Variants in CERKL observed in about 807,000 individuals in gnomAD.
CERKL encodes the protein ceramide kinase-like protein.
Under a neutral mutation model 63.4 loss-of-function variants are expected in CERKL, and 61 were observed. That is an observed-to-expected ratio of 0.96 (90% CI 0.78 to 1.19). CERKL has a LOEUF of 1.19. Among genes scored for constraint, CERKL ranks in the 50% most tolerant of loss-of-function variants. The pLI is 0.00. For synonymous variants in CERKL, 250 were observed against 230.5 expected (o/e 1.08, Z -0.77); for missense variants, 675 against 655.5 (o/e 1.03, Z -0.33).
intron 2 of CERKL, among the ~76,000 whole-genome samples, chr2:181,587,482 G>C (rs1039188914): frequency 6.6e-6 from 1 of 152,044 alleles, no homozygotes; most frequent in Non-Finnish European, 1.5e-5. Flanking sequence ...TTTTTATCCT[G>C]ATATAATGAA....
chr2:181,639,690 G>T (rs192256416), intron 1 of CERKL, among the ~76,000 whole-genome samples: 42 of 152,266 alleles, frequency 2.8e-4, no homozygotes, highest in South Asian at 4.1e-4. Context: ...AACCAAATGG[G>T]GACAGTGCAG....
chr2:181,570,774 G>A (rs1041339326), intron 3 of CERKL, among the ~76,000 whole-genome samples: 6 of 152,084 alleles, frequency 3.9e-5, no homozygotes, highest in African/African-American at 1.4e-4. Flanking sequence ...AAAAATTACA[G>A]TACCTTATAG....
At chr2:181,579,695 AT>A (rs1181359975) in intron 2 of CERKL, among the ~76,000 whole-genome samples, 11 of 151,774 alleles carry the variant, frequency 7.2e-5, no homozygotes, top group Admixed American at 7.2e-4. Flanking sequence ...TAAAAACTGC[AT>A]TTTTCTTCTA....
At chr2:181,652,913 T>C (rs1005044120) in intron 1 of CERKL, among the ~76,000 whole-genome samples, 2 of 152,178 alleles carry the variant, frequency 1.3e-5, no homozygotes, top group Non-Finnish European at 2.9e-5. Flanking sequence ...TAGCTGTGAC[T>C]ACAGGCATGT....
At chr2:181,642,943 CCT>C (rs1173115907) in intron 1 of CERKL, among the ~76,000 whole-genome samples, 1 of 152,140 alleles carries the variant, frequency 6.6e-6, no homozygotes, top group Admixed American at 6.5e-5. Flanking sequence ...AATGACAATA[CCT>C]ACACCAAAGC....
chr2:181,648,713 T>A (rs1687773826), intron 1 of CERKL, among the ~76,000 whole-genome samples: 1 of 152,048 alleles, frequency 6.6e-6, no homozygotes, highest in African/African-American at 2.4e-5. Context: ...GTACAACTGG[T>A]CAAAAACAAC....
chr2:181,546,604 C>G (rs1687735658), intron 10 of CERKL, among the ~76,000 whole-genome samples: 1 of 152,046 alleles, frequency 6.6e-6, no homozygotes, highest in Non-Finnish European at 1.5e-5. Flanking sequence ...TGAATATTTC[C>G]CCGTTTATTG....
At position 181,548,619 on chromosome 2, in the gene CERKL, A is replaced by C. The variant is rs748304433; in HGVS notation, c.1074-15T>G. The stretch of plus-strand genomic sequence containing the variant: ...AGTCTTCTGCCCTAAAATGTAATGA[A>C]ATTTGTTATTAACAGTCATTGAACC... On this transcript the variant is annotated splice_polypyrimidine_tract_variant and intron_variant, in intron 7 of 12. Transcript: ENST00000410087. The C allele has an allele frequency of 3.7e-6, 6 of 1,612,984 alleles. No homozygotes were observed. Among genetic ancestry groups the C allele is most frequent in the Middle Eastern group, 1.7e-4 (1 of 6,058 alleles).
Position 181,548,611 on chromosome 2 carries a change from T to G in CERKL, c.1074-7A>C. On this transcript the variant is annotated splice_polypyrimidine_tract_variant and splice_region_variant and intron_variant, in intron 7 of 12. Coordinates refer to ENST00000410087, the MANE Select transcript of CERKL (RefSeq NM_201548.5). ...TATTTCACAGTCTTCTGCCCTAAAA[T>G]GTAATGAAATTTGTTATTAACAGTC... The G allele has an allele frequency of 6.2e-7, 1 of 1,613,130 alleles. No individual in the cohort carries two copies. The highest frequency in any genetic ancestry group is 2.2e-5 in the East Asian group (1 of 44,788).
chr2:181,652,837 C>A (rs1687996704), intron 1 of CERKL, among the ~76,000 whole-genome samples: 1 of 151,012 alleles, frequency 6.6e-6, no homozygotes, highest in South Asian at 2.1e-4. Flanking sequence ...TGCAGTGGCA[C>A]TATCTCGGCT....
At chr2:181,649,215 A>G (rs1250099354) in intron 1 of CERKL, among the ~76,000 whole-genome samples, 4 of 152,214 alleles carry the variant, frequency 2.6e-5, no homozygotes, top group Non-Finnish European at 5.9e-5. Context: ...GGAAAAAGAT[A>G]TTCCATGCAA....
chr2:181,626,281 GAAC>G (rs1315426139), intron 1 of CERKL, among the ~76,000 whole-genome samples: 2 of 151,888 alleles, frequency 1.3e-5, no homozygotes, highest in Non-Finnish European at 2.9e-5. Flanking sequence ...GAGAAAAAGC[GAAC>G]AACAGAGGAA....
chr2:181,541,709 G>C (rs1350210253), intron 11 of CERKL, among the ~76,000 whole-genome samples: 1 of 152,230 alleles, frequency 6.6e-6, no homozygotes, highest in Non-Finnish European at 1.5e-5. Flanking sequence ...TTTGAATTAA[G>C]GTGAGGGAGA....
chr2:181,583,925 A>C (rs1172695501), intron 2 of CERKL, among the ~76,000 whole-genome samples: 1 of 152,240 alleles, frequency 6.6e-6, no homozygotes, highest in Non-Finnish European at 1.5e-5. Flanking sequence ...AATGTTAATA[A>C]GCAATTATCA....
chr2:181,580,026 G>T (rs548043466), intron 2 of CERKL, among the ~76,000 whole-genome samples: 2 of 151,882 alleles, frequency 1.3e-5, no homozygotes, highest in Non-Finnish European at 2.9e-5. Context: ...TTACTTTAAA[G>T]AATTTTTCAC....
At chr2:181,633,521 A>C (rs1687054811) in intron 1 of CERKL, among the ~76,000 whole-genome samples, 1 of 152,206 alleles carries the variant, frequency 6.6e-6, no homozygotes, top group Non-Finnish European at 1.5e-5. Context: ...CCTCTAATAA[A>C]ATAAATTTGG....
rs993069330 is a variant in CERKL at position 181,606,045 on chromosome 2, G to A, written c.239-1966C>T. 2.3e-4 allele frequency among the ~76,000 whole-genome samples: 35 copies of A among 149,728 alleles called. 1 individual carries two copies. In the South Asian group the frequency reaches 7.4e-3, roughly 32 times the overall value. On this transcript the variant is annotated intron_variant, in intron 1 of 12. Transcript: ENST00000410087. ...GGAAGGAATGAAAGAGAGAAGGCAAGTAAAAGGGAAATTAAAAAAAGGAAG... is the reference window on the plus strand; with the variant it reads ...GGAAGGAATGAAAGAGAGAAGGCAAATAAAAGGGAAATTAAAAAAAGGAAG...
At chr2:181,588,709 C>G (rs1684864596) in intron 2 of CERKL, among the ~76,000 whole-genome samples, 2 of 152,168 alleles carry the variant, frequency 1.3e-5, no homozygotes, top group African/African-American at 4.8e-5. Context: ...CTGTCACTAA[C>G]AGTGGGCTAG....
chr2:181,630,450 C>T (rs1452802528), intron 1 of CERKL, among the ~76,000 whole-genome samples: 3 of 152,158 alleles, frequency 2.0e-5, no homozygotes, highest in Non-Finnish European at 4.4e-5. Flanking sequence ...TAAGCCCTAA[C>T]CCCCAGTGTG....
Sources: gnomAD v4.1 joint callset for allele counts (sites outside exome capture counted in the v4.1 genomes callset) on GRCh38, gnomAD v4.1.1 for gene constraint, MANE v1.5 for transcripts, NCBI Gene and HGNC (gene_info 2026-07-23, HGNC 2026-07-21) for gene names.